Variants in ALDH2 observed in about 807,000 individuals in gnomAD.
The protein encoded by ALDH2 is aldehyde dehydrogenase 2 family member, also known as aldehyde dehydrogenase, mitochondrial.
Under a neutral mutation model 59.6 loss-of-function variants are expected in ALDH2, and 44 were observed. The observed-to-expected ratio is 0.74, with a 90% CI of 0.58 to 0.95. The LOEUF (loss-of-function observed/expected upper bound fraction) is 0.95, where lower values mean the gene tolerates loss of function less well. ALDH2 is among the 40% of genes least tolerant of loss of function. ALDH2 has a pLI of 0.00. For synonymous variants in ALDH2, 291 were observed against 284.0 expected, an observed-to-expected ratio of 1.02 and a Z score of -0.25; for missense variants, 570 against 696.3, an observed-to-expected ratio of 0.82 and a Z score of 2.04.
rs372806989 is a variant in ALDH2 at position 111,799,892 on chromosome 12, C to T, written c.1249-14C>T. 2.1e-5 allele frequency: 34 copies of T among 1,611,244 alleles called. No homozygotes were observed. The highest frequency in any genetic ancestry group is 2.5e-5 in the Non-Finnish European group (29 of 1,178,544). ...CGTGTTGCCGAACCCTCCTACGCTG[C>T]TCTCTCACTCCAGATCTTCGGGCCA... is the stretch of plus-strand genomic sequence containing the variant. On this transcript the variant is annotated splice_polypyrimidine_tract_variant and intron_variant, in intron 10 of 12. Coordinates refer to ENST00000261733, the MANE Select transcript of ALDH2 (RefSeq NM_000690.4).
chr12:111,771,846 C>T (rs537366295), intron 1 of ALDH2, among the ~76,000 whole-genome samples: 40 of 152,270 alleles, frequency 2.6e-4, no homozygotes, highest in African/African-American at 9.4e-4. Flanking sequence ...CGCCTGTAAT[C>T]TCCGCACTTT....
At position 111,792,587 on chromosome 12, in the gene ALDH2, A is replaced by G. The variant is rs2068369740; in HGVS notation, c.899-11A>G. 1.2e-6 allele frequency: 2 copies of G among 1,608,144 alleles called. No homozygotes were observed. Among genetic ancestry groups the G allele is most frequent in the Non-Finnish European group, 1.7e-6 (2 of 1,178,390 alleles). On this transcript the variant is annotated splice_polypyrimidine_tract_variant and intron_variant, in intron 8 of 12. Transcript: ENST00000261733. ...ACTGTCACCTTTCTGTCTCCTGCCC[A>G]CTTCCCGCAGTGGATTGGGCCGTGG... is the stretch of plus-strand genomic sequence containing the variant.
intron 12 of ALDH2, among the ~76,000 whole-genome samples, chr12:111,808,599 G>A (rs1046442315): frequency 2.0e-5 from 3 of 152,086 alleles, no homozygotes; most frequent in African/African-American, 7.2e-5. Context: ...CACCTACTCG[G>A]GAGGCTGAGA....
In ALDH2 at chr12:111,815,282, C is replaced by T. The variant is rs1484263019; in HGVS notation, c.*5707C>T. On this transcript the variant is annotated 3_prime_UTR_variant, in exon 13 of 13. Transcript: ENST00000261733. ...CTGGAGTGCAGTGGTGCGATCATAG[C>T]TCACTGCAGCCTCTACCTCCTAGGC... The T allele has an allele frequency of 6.6e-6, 1 of 152,192 alleles. No homozygotes were observed. Among genetic ancestry groups the T allele is most frequent in the African/African-American group, 2.4e-5 (1 of 41,438 alleles). 9.4% of individuals were successfully genotyped at this position (152,192 alleles called of 1,614,324 possible).
intron 1 of ALDH2, among the ~76,000 whole-genome samples, chr12:111,779,497 T>C (rs2068256531): frequency 6.6e-6 from 1 of 152,114 alleles, no homozygotes; most frequent in African/African-American, 2.4e-5. Context: ...GCCAAATGTC[T>C]GCTTTTGACC....
intron 11 of ALDH2, 96 bp from the exon 12 acceptor site, chr12:111,803,763 A>T: frequency 2.5e-6 from 2 of 807,468 alleles, no homozygotes; most frequent in Non-Finnish European, 3.4e-6. Context: ...TTTTAAGTTA[A>T]AAATAAAATA....
At chr12:111,790,282 A>T in intron 5 of ALDH2, 152 bp from the exon 6 acceptor site, 1 of 981,154 alleles carries the variant, frequency 1.0e-6, no homozygotes, top group Non-Finnish European at 1.5e-6. Flanking sequence ...TCATCCATTC[A>T]TCTTAAAACC....
rs2136032469 is a variant in ALDH2 at position 111,812,955 on chromosome 12, T to C, written c.*3380T>C. 6.6e-6 allele frequency: 1 copy of C among 152,340 alleles called. No individual in the cohort carries two copies. Among genetic ancestry groups the C allele is most frequent in the Non-Finnish European group, 1.5e-5 (1 of 68,028 alleles). 9.4% of individuals were successfully genotyped at this position (152,340 alleles called of 1,614,324 possible). On this transcript the variant is annotated 3_prime_UTR_variant, in exon 13 of 13. Transcript: ENST00000261733. ...GGAAAAAGTAGAGAAATGTAATATT[T>C]CTTTCCTGCTGTACTCACTGTAACT...
chr12:111,785,232 C>T (rs780616608), intron 3 of ALDH2, 35 bp from the exon 4 acceptor site: 5 of 1,548,716 alleles, frequency 3.2e-6, no homozygotes, highest in East Asian at 2.2e-5. Flanking sequence ...CTCATTCCTG[C>T]ACCCATGTCT....
chr12:111,767,707 G>A (rs2068169754), intron 1 of ALDH2, among the ~76,000 whole-genome samples: 1 of 152,184 alleles, frequency 6.6e-6, no homozygotes, highest in Admixed American at 6.5e-5. Context: ...AAACCAAGGA[G>A]GAGCTTTCCA....
intron 4 of ALDH2, among the ~76,000 whole-genome samples, chr12:111,786,667 T>C (rs990890870): frequency 6.6e-6 from 1 of 152,028 alleles, no homozygotes; most frequent in African/African-American, 2.4e-5. Flanking sequence ...CACTTCAGCC[T>C]CCTAAGTAGC....
chr12:111,802,602 A>C (rs1047020243), intron 11 of ALDH2, among the ~76,000 whole-genome samples: 6 of 150,752 alleles, frequency 4.0e-5, no homozygotes, highest in South Asian at 2.1e-4. Context: ...GAAAAAGGGC[A>C]GGGCGCTGTG....
rs1260246794 is a variant in ALDH2, at chr12:111,815,921, C to G, written c.*6346C>G. ...GATTACAGGCATGAGACACTGGGCA[C>G]AGCCCTAATAGCTTATTTTTAAAGC... On this transcript the variant is annotated 3_prime_UTR_variant, in exon 13 of 13. Transcript: ENST00000261733. 2.0e-5 allele frequency: 3 copies of G among 152,106 alleles called. No homozygotes were observed. Among genetic ancestry groups the G allele is most frequent in the Non-Finnish European group, 4.4e-5 (3 of 68,034 alleles). 9.4% of individuals were successfully genotyped at this position (152,106 alleles called of 1,614,324 possible).
rs778751819 is a variant in ALDH2 at position 111,785,380 on chromosome 12, C to G, written c.440+34C>G. ...TCAGCTTTCCTGTTCTTTGTTCTGG[C>G]AGGGGAAAAGGGGAGGCAACGTTGT... On this transcript the variant is annotated intron_variant, in intron 4 of 12. Transcript: ENST00000261733. 12 of 1,588,720 alleles carry G rather than the reference C, an allele frequency of 7.6e-6. 1 individual carries two copies. In the South Asian group the frequency reaches 1.1e-4, roughly 15 times the overall value.
intron 4 of ALDH2, among the ~76,000 whole-genome samples, chr12:111,787,978 G>T (rs537573137): frequency 5.3e-5 from 8 of 152,058 alleles, no homozygotes; most frequent in African/African-American, 9.7e-5. Flanking sequence ...GGTGGAGCTT[G>T]CAGTGAGCTG....
At chr12:111,767,267 C>T (rs2068166267) in intron 1 of ALDH2, among the ~76,000 whole-genome samples, 171 bp downstream of exon 1, 1 of 152,154 alleles carries the variant, frequency 6.6e-6, no homozygotes, top group South Asian at 2.1e-4. Context: ...AGCATTTTAG[C>T]CCCTTCGCCG....
intron 6 of ALDH2, 145 bp downstream of exon 6, chr12:111,790,707 C>G: frequency 9.2e-7 from 1 of 1,092,078 alleles, no homozygotes; most frequent in East Asian, 2.5e-5. Context: ...GTGGCTCCCT[C>G]TTAGCTTTTT....
At chr12:111,801,298 G>A (rs968504786) in intron 11 of ALDH2, among the ~76,000 whole-genome samples, 2 of 152,178 alleles carry the variant, frequency 1.3e-5, no homozygotes, top group African/African-American at 4.8e-5. Flanking sequence ...CGTGGGAATT[G>A]TGGGAGCTAC....
intron 11 of ALDH2, among the ~76,000 whole-genome samples, chr12:111,802,025 T>G (rs541753563): frequency 5.9e-5 from 9 of 151,750 alleles, no homozygotes; most frequent in African/African-American, 2.2e-4. Flanking sequence ...GAGGCCAAGG[T>G]AGACGGATCA....
Sources: gnomAD v4.1 joint callset for allele counts (sites outside exome capture counted in the v4.1 genomes callset) on GRCh38, gnomAD v4.1.1 for gene constraint, MANE v1.5 for transcripts, NCBI Gene and HGNC (gene_info 2026-07-23, HGNC 2026-07-21) for gene names.